ATF7IP2: variants seen among roughly 807,000 people sequenced by gnomAD.
The protein encoded by ATF7IP2 is activating transcription factor 7 interacting protein 2, also known as activating transcription factor 7-interacting protein 2.
Under a neutral mutation model 64.2 loss-of-function variants are expected in ATF7IP2, and 42 were observed. The observed-to-expected ratio is 0.65, with a 90% CI of 0.51 to 0.85. The LOEUF is 0.85. Ranked by LOEUF, ATF7IP2 falls within the 40% of genes least tolerant of loss-of-function variation. The pLI is 0.00. For missense variants in ATF7IP2, 933 were observed against 784.2 expected, an observed-to-expected ratio of 1.19 and a Z score of -2.27; for synonymous variants, 308 against 272.8, an observed-to-expected ratio of 1.13 and a Z score of -1.27.
chr16:10,448,591 T>G (rs1398604200), intron 8 of ATF7IP2: 1 of 152,190 alleles, frequency 6.6e-6, no homozygotes, highest in South Asian at 2.1e-4. Context: ...ATGCTTGTGA[T>G]TTTTGCACAT....
intron 1 of ATF7IP2, among the ~76,000 whole-genome samples, chr16:10,411,400 T>G (rs1296148314): frequency 6.6e-6 from 1 of 151,778 alleles, no homozygotes; most frequent in Non-Finnish European, 1.5e-5. Flanking sequence ...TGTTTTGTTT[T>G]GTTTTGTTTT....
Position 10,473,556 on chromosome 16 carries a change from T to C in ATF7IP2, c.1482+22T>C, listed in dbSNP as rs774182339. 9 of 1,463,974 alleles carry C rather than the reference T, an allele frequency of 6.1e-6. No individual in the cohort carries two copies. The South Asian group carries it at 9.7e-5, about 16-fold the overall frequency. 90.7% of individuals were successfully genotyped at this position (1,463,974 alleles called of 1,614,324 possible). On this transcript the variant is annotated intron_variant, in intron 11 of 13. Transcript: ENST00000562102. ...TATGGTGAGTAATAAATATTGACTC[T>C]GAATATTGTTTATTTAAATATGTTA...
At chr16:10,450,161 T>G (rs189653620) in intron 8 of ATF7IP2, among the ~76,000 whole-genome samples, 1 of 152,340 alleles carries the variant, frequency 6.6e-6, no homozygotes, top group East Asian at 1.9e-4. Flanking sequence ...AGTTCTAATT[T>G]TATTGCACTG....
intron 8 of ATF7IP2, among the ~76,000 whole-genome samples, chr16:10,440,675 T>A (rs767693679): frequency 1.4e-4 from 22 of 152,254 alleles, no homozygotes; most frequent in Non-Finnish European, 2.6e-4. Flanking sequence ...GAAAGAGGAT[T>A]GGTGATTGCC....
rs149660447 is a variant in ATF7IP2 at position 10,431,509 on chromosome 16, A to G, written c.835+54A>G. 4.3e-4 allele frequency: 544 copies of G among 1,262,942 alleles called. 5 individuals are homozygous for G. In the African/African-American group the frequency reaches 7.6e-3, roughly 18 times the overall value. The allele number at this position is 1,262,942 out of a possible 1,614,324, so 78.2% of individuals were successfully genotyped here. A position where few individuals can be genotyped will look rare whatever the true frequency, so the allele number is the denominator to read the frequency against. ...AAAATTAAAATAGTCACTTTTCTTT[A>G]GGGTATTTTAAAGTCTCAAATATAC... On this transcript the variant is annotated intron_variant, in intron 5 of 13. Transcript: ENST00000562102.
At position 10,431,136 on chromosome 16, in the gene ATF7IP2, T is replaced by C. The variant is rs1156879634; in HGVS notation, c.516T>C (p.Ser172=). The C allele has an allele frequency of 6.2e-7, 1 of 1,614,032 alleles. No homozygotes were observed. Among genetic ancestry groups the C allele is most frequent in the African/African-American group, 1.3e-5 (1 of 74,918 alleles). The change falls in exon 5 of 14, where the codon AGT becomes AGC. Residue 172 remains serine (S), a synonymous_variant. Coordinates refer to ENST00000562102, the MANE Select transcript of ATF7IP2 (RefSeq NM_001393719.1). ...TAAAGTCCAGTTGCTGTCCACCCAG[T>C]GTATTGAGTGGTGTTGTTCAGATGC... ...CSLKSSCCPP[S]VLSGVVQMPE...
At chr16:10,398,320 TAATA>T (rs1274950384) in intron 1 of ATF7IP2, among the ~76,000 whole-genome samples, 1 of 149,898 alleles carries the variant, frequency 6.7e-6, no homozygotes, top group Non-Finnish European at 1.5e-5. Context: ...AAAAAAATAA[TAATA>T]AATAACAAAT....
chr16:10,391,809 T>C (rs1038430299), intron 1 of ATF7IP2, among the ~76,000 whole-genome samples: 1 of 151,726 alleles, frequency 6.6e-6, no homozygotes, highest in African/African-American at 2.4e-5. Context: ...AGCAGGAGAA[T>C]TGCTTAAACC....
At chr16:10,465,249 T>A (rs1337368563) in intron 9 of ATF7IP2, among the ~76,000 whole-genome samples, 2 of 152,216 alleles carry the variant, frequency 1.3e-5, no homozygotes, top group East Asian at 3.8e-4. Context: ...TGGCAGAGGC[T>A]GGATTTGGAT....
chr16:10,476,484 TTGTG>T (rs144175914), intron 12 of ATF7IP2, among the ~76,000 whole-genome samples: 6 of 122,582 alleles, frequency 4.9e-5, no homozygotes, highest in Admixed American at 2.9e-4. Context: ...CTCTCCCCAG[TTGTG>T]TGTGTGTGTG....
intron 8 of ATF7IP2, among the ~76,000 whole-genome samples, chr16:10,452,806 A>G (rs2049029167): frequency 1.3e-5 from 2 of 152,170 alleles, no homozygotes; most frequent in South Asian, 2.1e-4. Flanking sequence ...CTAGAGAGGC[A>G]GTCTGGCCAC....
chr16:10,469,881 T>C (rs1315245680), intron 9 of ATF7IP2, among the ~76,000 whole-genome samples: 5 of 117,128 alleles, frequency 4.3e-5, no homozygotes, highest in Admixed American at 1.8e-4. Flanking sequence ...ACTTCTAAAG[T>C]ATTGAAAGTT....
intron 1 of ATF7IP2, among the ~76,000 whole-genome samples, chr16:10,400,223 T>G (rs1456022220): frequency 2.6e-5 from 4 of 152,094 alleles, no homozygotes; most frequent in Admixed American, 2.6e-4. Flanking sequence ...GTATTTTTAG[T>G]AGAGATGGGG....
At chr16:10,469,904 A>G (rs941104042) in intron 9 of ATF7IP2, among the ~76,000 whole-genome samples, 4 of 152,172 alleles carry the variant, frequency 2.6e-5, no homozygotes, top group Non-Finnish European at 5.9e-5. Flanking sequence ...AAAAAAAAAA[A>G]AAGTCCATTC....
intron 1 of ATF7IP2, among the ~76,000 whole-genome samples, chr16:10,390,700 G>T (rs1301534598): frequency 6.6e-6 from 1 of 152,104 alleles, no homozygotes; most frequent in Non-Finnish European, 1.5e-5. Flanking sequence ...GAGGCAGTAG[G>T]ATTACTTGAG....
rs2049594472 is a variant in ATF7IP2, at chr16:10,466,909, C to CA, written c.1353-5199dup. On this transcript the variant is annotated intron_variant, in intron 9 of 13. Coordinates refer to ENST00000562102, the MANE Select transcript of ATF7IP2 (RefSeq NM_001393719.1). ...TTGTTTTAATGCTCTTGTTTTAACT[C>CA]AAGTGTTTGGATCACCTGTGCATCT... Among the ~76,000 whole-genome samples, 3 of 151,266 alleles carry CA rather than the reference C, an allele frequency of 2.0e-5. No individual in the cohort carries two copies. The South Asian group carries it at 6.2e-4, about 32-fold the overall frequency.
intron 6 of ATF7IP2, 79 bp from the exon 7 acceptor site, chr16:10,438,022 C>A: frequency 2.6e-6 from 3 of 1,134,038 alleles, no homozygotes; most frequent in South Asian, 1.9e-5. Context: ...TGGAAAAGAG[C>A]AAGGCTTTTT....
chr16:10,391,891 G>T (rs1310145335), intron 1 of ATF7IP2, among the ~76,000 whole-genome samples: 1 of 145,918 alleles, frequency 6.9e-6, no homozygotes, highest in South Asian at 2.2e-4. Context: ...GTGAGATTCT[G>T]TTTAAAAAAA....
chr16:10,478,406 G>T lies in ATF7IP2; in HGVS notation c.1550-2473G>T, dbSNP rs2050089722. On this transcript the variant is annotated intron_variant, in intron 12 of 13. Transcript: ENST00000562102. ...TTGAGAAACACAAGCAATGGGGAAA[G>T]GATTCCCTATTTAATAAATGGTGCT... 2.6e-5 allele frequency among the ~76,000 whole-genome samples: 4 copies of T among 152,262 alleles called. No individual in the cohort carries two copies. The South Asian group carries it at 8.3e-4, about 32-fold the overall frequency.
Sources: allele counts gnomAD v4.1 joint callset (sites outside exome capture counted in the v4.1 genomes callset), GRCh38; gene constraint gnomAD v4.1.1; transcripts MANE v1.5; gene names NCBI Gene and HGNC (gene_info 2026-07-23, HGNC 2026-07-21).